FLRT1: variants seen among roughly 807,000 people sequenced by gnomAD.
FLRT1 encodes leucine-rich repeat transmembrane protein FLRT1.
A neutral mutation model predicts 30.9 loss-of-function variants in FLRT1; 14 were observed. That is an observed-to-expected ratio of 0.45 (90% CI 0.30 to 0.71). The LOEUF (loss-of-function observed/expected upper bound fraction) is 0.71. FLRT1 is among the 30% of genes least tolerant of loss of function. The probability of loss-of-function intolerance (pLI) is 0.08; values close to 1 mark genes in which losing one functional copy is unlikely to be tolerated. For missense variants in FLRT1, 737 were observed against 949.2 expected, an observed-to-expected ratio of 0.78 and a Z score of 2.94; for synonymous variants, 368 against 430.4, an observed-to-expected ratio of 0.85 and a Z score of 1.80.
In FLRT1 at chr11:64,082,045, T is replaced by C. The variant is rs1565223885; in HGVS notation, c.-1037-21149T>C. Reference sequence around the variant, plus strand: ...GGATCCCGTGACAGGTTGAAAAGTGTGTGAGCTGCAGCGTCCTGGGCTGGG... The same window carrying C: ...GGATCCCGTGACAGGTTGAAAAGTGCGTGAGCTGCAGCGTCCTGGGCTGGG... On this transcript the variant is annotated intron_variant, in intron 1 of 2. Transcript: ENST00000682287. This position sits in a 1 kb window ranked among gnomAD's most constrained non-coding sequence, Gnocchi z 4.5. The C allele has an allele frequency of 6.6e-6, 1 of 152,216 alleles. No individual in the cohort carries two copies. Among genetic ancestry groups the C allele is most frequent in the Non-Finnish European group, 1.5e-5 (1 of 68,132 alleles). 9.4% of individuals were successfully genotyped at this position (152,216 alleles called of 1,614,324 possible).
rs1163852087 is a variant in FLRT1, at chr11:64,090,685, G to A, written c.-1037-12509G>A. 6.6e-6 allele frequency among the ~76,000 whole-genome samples: 1 copy of A among 152,130 alleles called. No homozygotes were observed. The highest frequency in any genetic ancestry group is 1.5e-5 in the Non-Finnish European group (1 of 68,014). Reference sequence around the variant, plus strand: ...GCCACCAACAGACCACTTCTCTGAGGCGGGGACGTCCCAAGACTAAAATGG... The same window carrying A: ...GCCACCAACAGACCACTTCTCTGAGACGGGGACGTCCCAAGACTAAAATGG... On this transcript the variant is annotated intron_variant, in intron 1 of 2. Transcript: ENST00000682287. This position sits in a 1 kb window ranked among gnomAD's most constrained non-coding sequence, Gnocchi z 4.7.
At chr11:64,094,590 C>T (rs1377178277) in intron 1 of FLRT1, among the ~76,000 whole-genome samples, 4 of 152,178 alleles carry the variant, frequency 2.6e-5, no homozygotes, top group African/African-American at 7.2e-5. Context: ...CCTGCCTAAC[C>T]GCAGGCTGAC....
Position 64,067,534 on chromosome 11 carries a change from T to TC in FLRT1, c.-1038+31380dup, listed in dbSNP as rs1239035669. On this transcript the variant is annotated intron_variant, in intron 1 of 2. Transcript: ENST00000682287. The surrounding 1 kb of genome is among the most constrained non-coding windows in gnomAD (Gnocchi z 4.6). ...GGCACCTCCCCAACTCCCCAGCCCC[T>TC]CCCCCTGGGGCTCAGGGACCCAAAG... is the stretch of plus-strand genomic sequence containing the variant. 6.6e-6 allele frequency among the ~76,000 whole-genome samples: 1 copy of TC among 151,750 alleles called. No homozygotes were observed. The highest frequency in any genetic ancestry group is 1.5e-5 in the Non-Finnish European group (1 of 67,918).
At chr11:64,093,038 C>T (rs577023893) in intron 1 of FLRT1, among the ~76,000 whole-genome samples, 2 of 152,126 alleles carry the variant, frequency 1.3e-5, no homozygotes, top group Non-Finnish European at 2.9e-5. Context: ...CTTGAGGACC[C>T]GGAGTGGAGA....
rs907497263 is a variant in FLRT1, at chr11:64,084,506, C to T, written c.-1037-18688C>T. ...GGGAGGACAGTGAGCCTTGGGGTCA[C>T]GGGGCCTGGGCTTGGGTCATCGCTG... On this transcript the variant is annotated intron_variant, in intron 1 of 2. Transcript: ENST00000682287. 1.7e-4 allele frequency among the ~76,000 whole-genome samples: 26 copies of T among 152,184 alleles called. 1 individual carries two copies. The highest frequency in any genetic ancestry group is 3.5e-4 in the Non-Finnish European group (24 of 68,026).
At chr11:64,037,179 C>A (rs1275801083) in intron 1 of FLRT1, among the ~76,000 whole-genome samples, 1 of 152,178 alleles carries the variant, frequency 6.6e-6, no homozygotes, top group African/African-American at 2.4e-5. Flanking sequence ...CCTGCCTCAC[C>A]GCGGCCCCTA....
rs200658385 is a variant in FLRT1, at chr11:64,116,303, C to T, written c.36C>T (p.Thr12=). 8.7e-6 allele frequency: 14 copies of T among 1,606,082 alleles called. No homozygotes were observed. In the Admixed American group the frequency reaches 2.4e-4, roughly 27 times the overall value. ...CACACCCCACCGCCACTGCCACCAC[C>T]ACGCCCACTGCCACTGTCACGGCCA... ...VVAHPTATAT[T]TPTATVTATV... Residue 12 remains threonine (T), a synonymous_variant, in exon 3 of 3, where the codon ACC becomes ACT. Coordinates refer to ENST00000682287, the MANE Select transcript of FLRT1 (RefSeq NM_013280.5).
chr11:64,118,256 C>A lies in FLRT1; in HGVS notation c.1989C>A (p.Asp663Glu), dbSNP rs1462138707. 6.3e-7 allele frequency: 1 copy of A among 1,598,034 alleles called. No homozygotes were observed. Among genetic ancestry groups the A allele is most frequent in the Non-Finnish European group, 8.6e-7 (1 of 1,169,442 alleles). ...IGYGTTRGYR[D>E]GGIPDIDYSY... ...ACGGCACCACGCGGGGCTACCGGGA[C>A]GGCGGCATCCCCGACATAGACTACT... Residue 663 changes from aspartate to glutamate, a missense_variant, in exon 3 of 3, where the codon GAC becomes GAA. Physicochemically the swap from Asp to Glu is conservative, Grantham distance 45. Coordinates refer to ENST00000682287, the MANE Select transcript of FLRT1 (RefSeq NM_013280.5).
intron 1 of FLRT1, among the ~76,000 whole-genome samples, chr11:64,048,727 C>A (rs1943633326): frequency 6.6e-6 from 1 of 152,192 alleles, no homozygotes; most frequent in South Asian, 2.1e-4. Context: ...CAAGGCTCTG[C>A]AGGGTTAGGA....
intron 2 of FLRT1, among the ~76,000 whole-genome samples, chr11:64,112,176 TC>T (rs1213750715): frequency 6.6e-6 from 1 of 152,148 alleles, no homozygotes; most frequent in Non-Finnish European, 1.5e-5. Flanking sequence ...GATGCACAAA[TC>T]CCTGCCCTTG....
intron 1 of FLRT1, among the ~76,000 whole-genome samples, chr11:64,065,560 T>C (rs573693660): frequency 3.2e-4 from 49 of 151,834 alleles, no homozygotes; most frequent in Middle Eastern, 3.4e-3. Flanking sequence ...GAGGCCAAGG[T>C]GGGCGAATCA....
chr11:64,063,458 C>A (rs973561594), intron 1 of FLRT1, among the ~76,000 whole-genome samples: 1 of 152,144 alleles, frequency 6.6e-6, no homozygotes, highest in African/African-American at 2.4e-5. Context: ...GCGAATTGTG[C>A]TTTTCTTGAA....
chr11:64,087,465 C>T (rs1461922612), intron 1 of FLRT1, among the ~76,000 whole-genome samples: 2 of 152,234 alleles, frequency 1.3e-5, no homozygotes, highest in African/African-American at 4.8e-5. Flanking sequence ...GGGAACCAGA[C>T]TGGGCAGGGT....
At chr11:64,075,370 C>G (rs1944182443) in intron 1 of FLRT1, among the ~76,000 whole-genome samples, 1 of 152,224 alleles carries the variant, frequency 6.6e-6, no homozygotes, top group Non-Finnish European at 1.5e-5. Flanking sequence ...GGGCACTATC[C>G]CAAGCTTGAC....
rs1013973541 is a variant in FLRT1, at chr11:64,065,662, C to T, written c.-1038+29503C>T. On this transcript the variant is annotated intron_variant, in intron 1 of 2. Coordinates refer to ENST00000682287, the MANE Select transcript of FLRT1 (RefSeq NM_013280.5). ...AAAATTAGCCAGGCATGGTGGCGGCCGCCTGTAGTCCCAGCTACTTGGGAG... is the reference window on the plus strand; with the variant it reads ...AAAATTAGCCAGGCATGGTGGCGGCTGCCTGTAGTCCCAGCTACTTGGGAG... 7.2e-5 allele frequency among the ~76,000 whole-genome samples: 11 copies of T among 152,084 alleles called. No individual in the cohort carries two copies. In the East Asian group the frequency reaches 9.7e-4, roughly 13 times the overall value.
intron 1 of FLRT1, among the ~76,000 whole-genome samples, chr11:64,092,794 A>ATC: frequency 6.6e-6 from 1 of 152,354 alleles, no homozygotes; most frequent in South Asian, 2.1e-4. Context: ...CACCCACAGC[A>ATC]TCTCCCCAAG....
chr11:64,061,069 C>T (rs927601326), intron 1 of FLRT1, among the ~76,000 whole-genome samples: 1 of 152,170 alleles, frequency 6.6e-6, no homozygotes, highest in Non-Finnish European at 1.5e-5. Flanking sequence ...TTGGCGTCCC[C>T]CCCACTCCCA....
rs1422138720 is a variant in FLRT1, at chr11:64,080,556, G to A, written c.-1037-22638G>A. The stretch of plus-strand genomic sequence containing the variant: ...AGCACCTAAATCAAAGAGAGGTGGC[G>A]AGGGTTGAACACAAGACACCCAGTA... On this transcript the variant is annotated intron_variant, in intron 1 of 2. Transcript: ENST00000682287. Among the ~76,000 whole-genome samples the A allele has an allele frequency of 3.3e-5, 5 of 152,264 alleles. No individual in the cohort carries two copies. The South Asian group carries it at 6.2e-4, about 19-fold the overall frequency.
chr11:64,096,015 G>A lies in FLRT1; in HGVS notation c.-1037-7179G>A, dbSNP rs968708190. Among the ~76,000 whole-genome samples, 6 of 152,296 alleles carry A rather than the reference G, an allele frequency of 3.9e-5. No homozygotes were observed. Among genetic ancestry groups the A allele is most frequent in the South Asian group, 4.1e-4 (2 of 4,832 alleles). Reference sequence around the variant, plus strand: ...CCCATGAGCCTGCAGGATATGTCGCGCTGCAGCCAGCACAGTGCTGCTTCA... The same window carrying A: ...CCCATGAGCCTGCAGGATATGTCGCACTGCAGCCAGCACAGTGCTGCTTCA... On this transcript the variant is annotated intron_variant, in intron 1 of 2. Coordinates refer to ENST00000682287, the MANE Select transcript of FLRT1 (RefSeq NM_013280.5). The surrounding 1 kb of genome is among the most constrained non-coding windows in gnomAD (Gnocchi z 4.6).
Sources: gnomAD v4.1 joint callset for allele counts (sites outside exome capture counted in the v4.1 genomes callset) on GRCh38, gnomAD v4.1.1 for gene constraint, Gnocchi (gnomAD v3.1) non-coding constraint, MANE v1.5 for transcripts, NCBI Gene and HGNC (gene_info 2026-07-23, HGNC 2026-07-21) for gene names.